ZNF577: variants seen among roughly 807,000 people sequenced by gnomAD.
ZNF577 encodes the protein zinc finger protein 577.
ZNF577 carries 14 observed loss-of-function variants against 13.9 expected under a neutral mutation model. That is an observed-to-expected ratio of 1.00 (90% CI 0.66 to 1.57). ZNF577 has a LOEUF of 1.57. ZNF577 is among the 40% of genes most tolerant of loss of function. ZNF577 has a pLI of 0.00. For synonymous variants in ZNF577, 203 were observed against 202.9 expected, an observed-to-expected ratio of 1.00 and a Z score of 0.00; for missense variants, 555 against 579.2, an observed-to-expected ratio of 0.96 and a Z score of 0.43.
chr19:51,865,944 A>G (rs62107506), downstream of ZNF577, among the ~76,000 whole-genome samples: 27,901 of 151,976 alleles, frequency 0.18, 3,223 homozygotes, highest in Non-Finnish European at 0.25. Context: ...GTAAAACCCC[A>G]GCTCTACTAA....
intron 9 of ZNF577, among the ~76,000 whole-genome samples, chr19:51,838,770 G>C (rs1485910001): frequency 2.6e-5 from 4 of 151,788 alleles, no homozygotes; most frequent in African/African-American, 9.7e-5. Context: ...GTTTGGTATA[G>C]ATGGTAAATT....
At position 51,824,191 on chromosome 19, in the gene ZNF577, G is replaced by T. The variant is rs1228483190; in HGVS notation, c.*600-12517C>A. 6.2e-7 allele frequency: 1 copy of T among 1,614,154 alleles called. No homozygotes were observed. Among genetic ancestry groups the T allele is most frequent in the Non-Finnish European group, 8.5e-7 (1 of 1,180,016 alleles). ...AGTCTGGCCAAGAGGGTGATGACGG[G>T]ACTCTGGATTTTCACCATAGTCCTT... On this transcript the variant is annotated intron_variant and NMD_transcript_variant, in intron 9 of 10. Coordinates refer to the ZNF577 transcript ENST00000638827. This position sits in a 1 kb window ranked among gnomAD's most constrained non-coding sequence, Gnocchi z 4.7.
At chr19:51,806,152 G>A (rs1281627010) in intron 10 of ZNF577, among the ~76,000 whole-genome samples, 1 of 152,052 alleles carries the variant, frequency 6.6e-6, no homozygotes, top group Non-Finnish European at 1.5e-5. Flanking sequence ...GACTCCAGTC[G>A]GCCTTCTCTC....
intron 5 of ZNF577, among the ~76,000 whole-genome samples, chr19:51,858,727 C>T (rs896313498): frequency 1.3e-5 from 2 of 152,046 alleles, no homozygotes; most frequent in Admixed American, 6.5e-5. Flanking sequence ...AACTAGAATA[C>T]CCACTAGAAG....
Position 51,867,588 on chromosome 19 carries a change from C to G in ZNF577, c.*4944G>C, listed in dbSNP as rs919598064. Among the ~76,000 whole-genome samples, 3 of 142,704 alleles carry G rather than the reference C, an allele frequency of 2.1e-5. No individual in the cohort carries two copies. Among genetic ancestry groups the G allele is most frequent in the Non-Finnish European group, 4.6e-5 (3 of 65,922 alleles). 93.6% of individuals were successfully genotyped at this position (142,704 alleles called of 152,430 possible). On this transcript the variant is annotated 3_prime_UTR_variant, in exon 6 of 6. Transcript: ENST00000638348. Reference sequence around the variant, plus strand: ...AGGAGTTCGAGACCAGACTGGCCAACATGATGAAACCCCGTCTCTACTAAA... The same window carrying G: ...AGGAGTTCGAGACCAGACTGGCCAAGATGATGAAACCCCGTCTCTACTAAA...
chr19:51,849,629 G>C (rs914877217), intron 5 of ZNF577, among the ~76,000 whole-genome samples: 1 of 152,148 alleles, frequency 6.6e-6, no homozygotes, highest in African/African-American at 2.4e-5. Context: ...TTTTGTTATA[G>C]CAGTACAAAT....
intron 5 of ZNF577, 112 bp from the exon 6 acceptor site, chr19:51,873,818 G>A (rs2084709158): frequency 3.5e-6 from 3 of 862,328 alleles, no homozygotes; most frequent in African/African-American, 3.5e-5. Context: ...TAACTTTGTT[G>A]ACATCTTTCA....
chr19:51,879,832 T>C lies in ZNF577; in HGVS notation c.60+491A>G, dbSNP rs149862934. On this transcript the variant is annotated intron_variant, in intron 3 of 5. Transcript: ENST00000638348. ...TCTTGCGTGCAAATGTAGCCATGTA[T>C]CATTTCAGTAATTAAACATAGAAAA... 2.8e-4 allele frequency among the ~76,000 whole-genome samples: 42 copies of C among 152,302 alleles called. No homozygotes were observed. In the East Asian group the frequency reaches 7.7e-3, roughly 28 times the overall value.
chr19:51,885,984 CA>C (rs1285532180), intron 1 of ZNF577: 1 of 152,138 alleles, frequency 6.6e-6, no homozygotes, highest in African/African-American at 2.4e-5. Flanking sequence ...CTATATGCAG[CA>C]ACTTAGATGA....
chr19:51,852,627 C>G (rs754793594), intron 5 of ZNF577, among the ~76,000 whole-genome samples: 32 of 152,154 alleles, frequency 2.1e-4, no homozygotes, highest in Non-Finnish European at 1.3e-4. Flanking sequence ...AGAAGTGAAA[C>G]TGGCTGAGGG....
At position 51,885,874 on chromosome 19, in the gene ZNF577, C is replaced by T. The variant is rs189009079; in HGVS notation, c.-219+947G>A. On this transcript the variant is annotated intron_variant, in intron 1 of 5. Coordinates refer to ENST00000638348, the MANE Select transcript of ZNF577 (RefSeq NM_001370449.1). Reference sequence around the variant, plus strand: ...GTTCATATCAACAATACTCATAACTCCCATAAGCCATAACAATGTCTCTTG... The same window carrying T: ...GTTCATATCAACAATACTCATAACTTCCATAAGCCATAACAATGTCTCTTG... 4.2e-3 allele frequency among the ~76,000 whole-genome samples: 637 copies of T among 152,262 alleles called. 1 individual carries two copies. The highest frequency in any genetic ancestry group is 4.8e-3 in the Non-Finnish European group (327 of 68,036).
chr19:51,881,160 T>C (rs1292346950), intron 1 of ZNF577, among the ~76,000 whole-genome samples: 1 of 152,174 alleles, frequency 6.6e-6, no homozygotes, highest in Non-Finnish European at 1.5e-5. Flanking sequence ...TTCTCACATA[T>C]ATCAGTTTTA....
intron 9 of ZNF577, among the ~76,000 whole-genome samples, chr19:51,828,213 CA>C (rs1466663829): frequency 6.6e-6 from 1 of 151,990 alleles, no homozygotes; most frequent in African/African-American, 2.4e-5. Flanking sequence ...ACTAAAAATA[CA>C]AAAATTATCT....
At chr19:51,833,754 T>A (rs1360262485) in intron 9 of ZNF577, among the ~76,000 whole-genome samples, 2 of 152,234 alleles carry the variant, frequency 1.3e-5, no homozygotes, top group East Asian at 3.8e-4. Flanking sequence ...TCATGCCTAC[T>A]GCTTGTGTTC....
At chr19:51,878,901 C>A (rs1429254289) in intron 3 of ZNF577, 2 of 160,192 alleles carry the variant, frequency 1.2e-5, no homozygotes, top group Admixed American at 6.0e-5. Context: ...ATCTCCAAGG[C>A]AGTCTCTTAA....
intron 10 of ZNF577, among the ~76,000 whole-genome samples, chr19:51,808,024 T>C (rs2084071989): frequency 6.6e-6 from 1 of 152,216 alleles, no homozygotes; most frequent in African/African-American, 2.4e-5. Flanking sequence ...GTAGGAAGAA[T>C]AAACAAAAGC....
chr19:51,835,989 G>T (rs62110083), intron 9 of ZNF577, among the ~76,000 whole-genome samples: 1 of 152,018 alleles, frequency 6.6e-6, no homozygotes, highest in Admixed American at 6.6e-5. Flanking sequence ...CACCGCACCC[G>T]ACCTTGAAAT....
chr19:51,833,478 TGGA>T, intron 9 of ZNF577, among the ~76,000 whole-genome samples: 1 of 152,298 alleles, frequency 6.6e-6, no homozygotes, highest in East Asian at 1.9e-4. Context: ...CTTCTGTTCA[TGGA>T]GAGAGAGAGC....
At chr19:51,837,216 G>A (rs1395793046) in intron 9 of ZNF577, among the ~76,000 whole-genome samples, 1 of 151,924 alleles carries the variant, frequency 6.6e-6, no homozygotes, top group Non-Finnish European at 1.5e-5. Flanking sequence ...AAAAGTTTCT[G>A]CCCAGGTTCC....
Sources: allele counts gnomAD v4.1 joint callset (sites outside exome capture counted in the v4.1 genomes callset), GRCh38; gene constraint gnomAD v4.1.1; non-coding constraint Gnocchi (gnomAD v3.1); transcripts MANE v1.5; gene names NCBI Gene and HGNC (gene_info 2026-07-23, HGNC 2026-07-21).